FSTL4: variants seen among roughly 807,000 people sequenced by gnomAD.
FSTL4 encodes the protein follistatin like 4.
FSTL4 carries 28 observed loss-of-function variants against 78.2 expected under a neutral mutation model. The ratio of observed to expected loss-of-function variants is 0.36; its 90% confidence interval spans 0.27 to 0.49. The LOEUF is 0.49. Ranked by LOEUF, FSTL4 falls within the 20% of genes least tolerant of loss-of-function variation. The pLI is 0.98. For missense variants in FSTL4, 922 were observed against 1,084.9 expected (o/e 0.85, Z 2.11); for synonymous variants, 422 against 440.5 (o/e 0.96, Z 0.53).
In FSTL4 at chr5:133,353,044, CTTCCAGCCCA is replaced by C. The variant is rs769916768; in HGVS notation, c.410-36402_410-36393del. Among the ~76,000 whole-genome samples, 203 of 152,308 alleles carry C rather than the reference CTTCCAGCCCA, an allele frequency of 1.3e-3. 1 individual carries two copies. The highest frequency in any genetic ancestry group is 6.3e-4 in the Non-Finnish European group (43 of 68,030). On this transcript the variant is annotated intron_variant, in intron 4 of 15. Coordinates refer to ENST00000265342, the MANE Select transcript of FSTL4 (RefSeq NM_015082.2). ...GTCCTCTTCTTCCCATTTCTCTCCC[CTTCCAGCCCA>C]TTTAGTTGGTTCTTTTGGAATTTAC...
At chr5:133,508,133 T>C (rs867322776) in intron 3 of FSTL4, among the ~76,000 whole-genome samples, 24 of 152,166 alleles carry the variant, frequency 1.6e-4, no homozygotes, top group Middle Eastern at 3.2e-3. Flanking sequence ...CACCTCACTT[T>C]CCTCATCTGT....
At chr5:133,728,287 A>G in the FSTL4 span, among the ~76,000 whole-genome samples, 2 of 152,224 alleles carry the variant, frequency 1.3e-5, no homozygotes, top group East Asian at 1.9e-4. Flanking sequence ...AGGACCTACA[A>G]TGAGAACCTG....
chr5:133,649,951 C>T, the FSTL4 span, among the ~76,000 whole-genome samples: 6 of 151,712 alleles, frequency 4.0e-5, no homozygotes, highest in Non-Finnish European at 5.9e-5. Flanking sequence ...GTTTATTTGG[C>T]TCACAGTTCT....
the FSTL4 span, among the ~76,000 whole-genome samples, chr5:133,791,695 T>G: frequency 6.6e-6 from 1 of 152,316 alleles, no homozygotes; most frequent in African/African-American, 2.4e-5. Context: ...GCATTCTGAG[T>G]GCCCCTTCCC....
intron 4 of FSTL4, among the ~76,000 whole-genome samples, chr5:133,395,267 C>T (rs903732690): frequency 1.1e-4 from 17 of 152,184 alleles, no homozygotes; most frequent in Non-Finnish European, 2.2e-4. Flanking sequence ...TGCCTTAGGT[C>T]TGCAGCTTCA....
chr5:133,744,985 C>G, the FSTL4 span, among the ~76,000 whole-genome samples: 1 of 152,246 alleles, frequency 6.6e-6, no homozygotes, highest in Non-Finnish European at 1.5e-5. Context: ...AGGCAAGGAA[C>G]TGCTATCAGC....
intron 6 of FSTL4, 85 bp downstream of exon 6, chr5:133,312,569 G>T: frequency 7.8e-7 from 1 of 1,277,842 alleles, no homozygotes; most frequent in Non-Finnish European, 1.1e-6. Flanking sequence ...GGAGACAACT[G>T]AGGACAGACT....
chr5:133,754,876 C>A, the FSTL4 span, among the ~76,000 whole-genome samples: 4 of 152,162 alleles, frequency 2.6e-5, no homozygotes, highest in Admixed American at 6.5e-5. Flanking sequence ...ATCCCTCCCA[C>A]CTTCCCCCAC....
intron 6 of FSTL4, among the ~76,000 whole-genome samples, chr5:133,299,314 G>A (rs1196680602): frequency 2.6e-5 from 4 of 152,180 alleles, no homozygotes; most frequent in Non-Finnish European, 5.9e-5. Flanking sequence ...CTCTCCTTAT[G>A]TCCATTTAAT....
At chr5:133,702,853 G>A in the FSTL4 span, among the ~76,000 whole-genome samples, 1 of 152,168 alleles carries the variant, frequency 6.6e-6, no homozygotes, top group African/African-American at 2.4e-5. Flanking sequence ...GCAGGGCACT[G>A]GAGCTTCCTC....
At chr5:133,410,712 A>G (rs1433544371) in intron 3 of FSTL4, among the ~76,000 whole-genome samples, 4 of 152,124 alleles carry the variant, frequency 2.6e-5, no homozygotes, top group Non-Finnish European at 5.9e-5. Context: ...TTTCTCCTTC[A>G]TTCTACTTTT....
chr5:133,802,541 C>A, the FSTL4 span, among the ~76,000 whole-genome samples: 1 of 152,212 alleles, frequency 6.6e-6, no homozygotes, highest in African/African-American at 2.4e-5. Context: ...GCTGGCCAGC[C>A]TTACCAGAGC....
intron 4 of FSTL4, among the ~76,000 whole-genome samples, chr5:133,330,201 A>C (rs1398043107): frequency 6.6e-6 from 1 of 152,122 alleles, no homozygotes; most frequent in African/African-American, 2.4e-5. Flanking sequence ...TATGCTCATC[A>C]CTTTTCCTGC....
rs147093100 is a variant in FSTL4 at position 133,336,866 on chromosome 5, C to T, written c.410-20214G>A. Among the ~76,000 whole-genome samples, 643 of 152,280 alleles carry T rather than the reference C, an allele frequency of 4.2e-3. 2 individuals are homozygous for T. Among genetic ancestry groups the T allele is most frequent in the Middle Eastern group, 0.027 (8 of 294 alleles). On this transcript the variant is annotated intron_variant, in intron 4 of 15. Transcript: ENST00000265342. Reference sequence around the variant, plus strand: ...ATCTAATGCTTGAGGAGAGTGAGCACCATTTCCATGACCACACTGTGTACC... The same window carrying T: ...ATCTAATGCTTGAGGAGAGTGAGCATCATTTCCATGACCACACTGTGTACC...
intron 6 of FSTL4, among the ~76,000 whole-genome samples, chr5:133,310,462 G>A (rs1256449716): frequency 6.6e-6 from 1 of 152,194 alleles, no homozygotes; most frequent in Non-Finnish European, 1.5e-5. Flanking sequence ...GGAAGCTGGA[G>A]AGGCCTTCTC....
chr5:133,706,867 G>A, the FSTL4 span, among the ~76,000 whole-genome samples: 2 of 152,064 alleles, frequency 1.3e-5, no homozygotes, highest in Non-Finnish European at 2.9e-5. Context: ...CAGTGCAGAC[G>A]GGCCCCACCC....
At chr5:133,604,085 T>C in intron 1 of FSTL4, 92 bp from the exon 2 acceptor site, 1 of 917,524 alleles carries the variant, frequency 1.1e-6, no homozygotes, top group East Asian at 2.4e-5. Context: ...CAGAATCAGA[T>C]AAGCCTGGGT....
At chr5:133,791,211 A>G in the FSTL4 span, among the ~76,000 whole-genome samples, 1 of 151,948 alleles carries the variant, frequency 6.6e-6, no homozygotes, top group African/African-American at 2.4e-5. Flanking sequence ...TTACTCAAAT[A>G]TCATCTTCCC....
At chr5:133,706,715 G>A in the FSTL4 span, among the ~76,000 whole-genome samples, 67 of 152,186 alleles carry the variant, frequency 4.4e-4, no homozygotes, top group Non-Finnish European at 8.4e-4. Context: ...CCACTTCCAC[G>A]AGGCTCTTCC....
Sources: allele counts gnomAD v4.1 joint callset (sites outside exome capture counted in the v4.1 genomes callset), GRCh38; gene constraint gnomAD v4.1.1; transcripts MANE v1.5; gene names NCBI Gene and HGNC (gene_info 2026-07-23, HGNC 2026-07-21).